RERE: variants seen among roughly 807,000 people sequenced by gnomAD.
RERE encodes arginine-glutamic acid dipeptide repeats protein.
Under a neutral mutation model 146.1 loss-of-function variants are expected in RERE, and 40 were observed. The observed-to-expected ratio is 0.27, with a 90% CI of 0.21 to 0.36. RERE has a LOEUF of 0.36. RERE is among the 10% of genes least tolerant of loss of function. RERE has a pLI of 1.00. For synonymous variants in RERE, 1,003 were observed against 866.0 expected, an observed-to-expected ratio of 1.16 and a Z score of -2.78; for missense variants, 1,933 against 2,138.7, an observed-to-expected ratio of 0.90 and a Z score of 1.90.
At chr1:8,718,970 G>C (rs1204598012) in intron 1 of RERE, among the ~76,000 whole-genome samples, 1 of 152,148 alleles carries the variant, frequency 6.6e-6, no homozygotes, top group African/African-American at 2.4e-5. Context: ...GTAAAAACCT[G>C]ATTAAAACAA....
rs115438194 is a variant in RERE, at chr1:8,400,550, C to T, written c.1284+22177G>A. ...TATAGGAGTGAGTCACCTCACCTGGCCATATATTTATATACTTTTCTATAA... is the reference window on the plus strand; with the variant it reads ...TATAGGAGTGAGTCACCTCACCTGGTCATATATTTATATACTTTTCTATAA... On this transcript the variant is annotated intron_variant, in intron 12 of 22. Transcript: ENST00000400908. Among the ~76,000 whole-genome samples the T allele has an allele frequency of 3.2e-3, 491 of 152,124 alleles. 4 individuals carry two copies. The highest frequency in any genetic ancestry group is 0.017 in the Middle Eastern group (5 of 294).
At chr1:8,386,235 CAG>C (rs1441218501) in intron 12 of RERE, among the ~76,000 whole-genome samples, 1 of 150,582 alleles carries the variant, frequency 6.6e-6, no homozygotes, top group Non-Finnish European at 1.5e-5. Flanking sequence ...TCTTTAGAAT[CAG>C]AGAGACCAAA....
At chr1:8,466,694 G>T (rs1328436748) in intron 10 of RERE, among the ~76,000 whole-genome samples, 2 of 152,304 alleles carry the variant, frequency 1.3e-5, no homozygotes, top group African/African-American at 4.8e-5. Flanking sequence ...GTAATAGTAT[G>T]CTAGTTTTTC....
At position 8,578,546 on chromosome 1, in the gene RERE, T is replaced by C. The variant is rs545984633; in HGVS notation, c.523-21023A>G. On this transcript the variant is annotated intron_variant, in intron 4 of 22. Coordinates refer to ENST00000400908, the MANE Select transcript of RERE (RefSeq NM_001042681.2). ...ATCCACTGTGCCCTCACATATGCCA[T>C]GAAATGTCATTTATATTATATAGTT... Among the ~76,000 whole-genome samples the C allele has an allele frequency of 9.0e-4, 137 of 152,322 alleles. 2 individuals are homozygous for C. Among genetic ancestry groups the C allele is most frequent in the Middle Eastern group, 3.4e-3 (1 of 294 alleles).
chr1:8,358,989 T>G (rs1265042307), intron 19 of RERE, 73 bp from the exon 20 acceptor site: 6 of 1,472,874 alleles, frequency 4.1e-6, no homozygotes, highest in Non-Finnish European at 5.4e-6. Flanking sequence ...ACTGCGGAGG[T>G]GGGCCTGGTC....
intron 10 of RERE, among the ~76,000 whole-genome samples, chr1:8,480,129 T>G (rs1321092398): frequency 9.4e-4 from 4 of 4,248 alleles, no homozygotes; most frequent in East Asian, 0.071. Context: ...CCTTTTTTTG[T>G]TTTTTTTTTT....
At chr1:8,582,737 A>C (rs1457624291) in intron 4 of RERE, among the ~76,000 whole-genome samples, 1 of 152,104 alleles carries the variant, frequency 6.6e-6, no homozygotes, top group African/African-American at 2.4e-5. Context: ...CAAACAAACA[A>C]AACACACACA....
At chr1:8,523,795 C>T (rs1645536526) in intron 7 of RERE, among the ~76,000 whole-genome samples, 1 of 152,208 alleles carries the variant, frequency 6.6e-6, no homozygotes, top group Non-Finnish European at 1.5e-5. Context: ...TCCATAAATA[C>T]AGATTTGTAC....
chr1:8,355,121 C>G lies in RERE; in HGVS notation c.4668-1G>C. Reference sequence around the variant, plus strand: ...CTTGTCACCTTCTTTCTTCAGTCGACTGGAAAGACAAAACAGGAAAGCGTA... The same window carrying G: ...CTTGTCACCTTCTTTCTTCAGTCGAGTGGAAAGACAAAACAGGAAAGCGTA... On this transcript the variant is annotated splice_acceptor_variant, in intron 22 of 22. Transcript: ENST00000400908. LOFTEE classifies it high-confidence loss of function. 8 of 1,613,966 alleles carry G rather than the reference C, an allele frequency of 5.0e-6. No individual in the cohort carries two copies. The highest frequency in any genetic ancestry group is 6.8e-6 in the Non-Finnish European group (8 of 1,179,938).
chr1:8,748,587 C>G (rs1640470581), intron 1 of RERE, among the ~76,000 whole-genome samples: 1 of 152,216 alleles, frequency 6.6e-6, no homozygotes, highest in Admixed American at 6.5e-5. Context: ...CCAAAAGTGT[C>G]AAGAGCTTTC....
intron 1 of RERE, among the ~76,000 whole-genome samples, chr1:8,677,069 G>A (rs113166635): frequency 9.3e-4 from 141 of 152,072 alleles, no homozygotes; most frequent in African/African-American, 3.3e-3. Context: ...TTGCTCATGC[G>A]TCCTTGCCAC....
At chr1:8,482,544 T>C (rs1229341571) in intron 10 of RERE, among the ~76,000 whole-genome samples, 1 of 151,030 alleles carries the variant, frequency 6.6e-6, no homozygotes, top group Non-Finnish European at 1.5e-5. Flanking sequence ...TAGCCGGGCG[T>C]GGTGGCAGGT....
At chr1:8,736,192 T>A (rs981208263) in intron 1 of RERE, among the ~76,000 whole-genome samples, 1 of 3,804 alleles carries the variant, frequency 2.6e-4, no homozygotes, top group Non-Finnish European at 4.6e-4. Context: ...ACCATCAGTT[T>A]GTTTGTTTGT....
chr1:8,528,727 C>T (rs1430233382), intron 7 of RERE, among the ~76,000 whole-genome samples: 2 of 151,988 alleles, frequency 1.3e-5, no homozygotes, highest in African/African-American at 4.8e-5. Flanking sequence ...CCCACCAAAA[C>T]ATGAAATCCA....
chr1:8,508,995 A>C (rs1570365251), intron 7 of RERE, among the ~76,000 whole-genome samples: 1 of 151,926 alleles, frequency 6.6e-6, no homozygotes, highest in Admixed American at 6.6e-5. Flanking sequence ...GCTCACTGCA[A>C]CCTCCGCCTC....
chr1:8,431,666 T>C (rs1205256586), intron 11 of RERE, among the ~76,000 whole-genome samples: 1 of 152,240 alleles, frequency 6.6e-6, no homozygotes, highest in South Asian at 2.1e-4. Flanking sequence ...TTATAAACAC[T>C]GTTTACTTAA....
chr1:8,511,159 A>T (rs1479751698), intron 7 of RERE, among the ~76,000 whole-genome samples: 2 of 152,208 alleles, frequency 1.3e-5, no homozygotes, highest in East Asian at 3.9e-4. Flanking sequence ...CCTGTTGACT[A>T]GAACTACTTA....
At chr1:8,686,879 C>T (rs901644158) in intron 1 of RERE, among the ~76,000 whole-genome samples, 35 of 152,092 alleles carry the variant, frequency 2.3e-4, no homozygotes, top group Admixed American at 1.9e-3. Flanking sequence ...GAAAGCGGGA[C>T]GGTGAGCTAC....
intron 7 of RERE, among the ~76,000 whole-genome samples, chr1:8,514,527 CG>C (rs1223441580): frequency 6.6e-6 from 1 of 152,034 alleles, no homozygotes; most frequent in African/African-American, 2.4e-5. Context: ...GTCAGGAGTT[CG>C]AAACCAGCCT....
Sources: gnomAD v4.1 joint callset for allele counts (sites outside exome capture counted in the v4.1 genomes callset) on GRCh38, gnomAD v4.1.1 for gene constraint, MANE v1.5 for transcripts, NCBI Gene and HGNC (gene_info 2026-07-23, HGNC 2026-07-21) for gene names.